Variants in INPP4B observed in about 807,000 individuals in gnomAD.
The protein encoded by INPP4B is inositol polyphosphate 4-phosphatase type II.
In INPP4B, 55 loss-of-function variants were observed where a neutral mutation model predicts 122.5. The ratio of observed to expected loss-of-function variants is 0.45; its 90% CI spans 0.36 to 0.56. The LOEUF (loss-of-function observed/expected upper bound fraction) is 0.56. Among genes scored for constraint, INPP4B ranks in the 20% least tolerant of loss-of-function variants. The pLI is 0.00. For missense variants in INPP4B, 1,000 were observed against 1,097.7 expected (o/e 0.91, Z 1.26); for synonymous variants, 403 against 388.7 (o/e 1.04, Z -0.43).
At chr4:142,645,704 A>G (rs1230126358) in intron 2 of INPP4B, among the ~76,000 whole-genome samples, 1 of 152,210 alleles carries the variant, frequency 6.6e-6, no homozygotes, top group Admixed American at 6.5e-5. Flanking sequence ...TGGAACGGTT[A>G]TATCAGCTGT....
rs372147886 is a variant in INPP4B at position 142,659,424 on chromosome 4, G to T, written c.-191+66415C>A. Among the ~76,000 whole-genome samples, 19 of 151,696 alleles carry T rather than the reference G, an allele frequency of 1.3e-4. No individual in the cohort carries two copies. In the East Asian group the frequency reaches 3.7e-3, roughly 29 times the overall value. On this transcript the variant is annotated intron_variant, in intron 2 of 25. Transcript: ENST00000262992. Reference sequence around the variant, plus strand: ...CTGTCTCAAAAGAAAAAAAAAAGAGGACTGGAGAGAGAGAAATTATGTTTC... The same window carrying T: ...CTGTCTCAAAAGAAAAAAAAAAGAGTACTGGAGAGAGAGAAATTATGTTTC...
chr4:142,164,016 A>G (rs752494167), intron 16 of INPP4B, among the ~76,000 whole-genome samples: 16 of 151,882 alleles, frequency 1.1e-4, no homozygotes, highest in Non-Finnish European at 1.8e-4. Flanking sequence ...CGTAAGGCAG[A>G]TCTATTTTAT....
At position 142,372,435 on chromosome 4, in the gene INPP4B, G is replaced by A. The variant is rs574938356; in HGVS notation, c.372+30503C>T. Among the ~76,000 whole-genome samples, 319 of 152,138 alleles carry A rather than the reference G, an allele frequency of 2.1e-3. 3 individuals are homozygous for A. The highest frequency in any genetic ancestry group is 7.5e-3 in the African/African-American group (310 of 41,532). On this transcript the variant is annotated intron_variant, in intron 7 of 25. Transcript: ENST00000262992. ...ACACAAAGAAATGATGAATGTTTGAGGTGATGAATATTGTAAATACCTTGA... is the reference window on the plus strand; with the variant it reads ...ACACAAAGAAATGATGAATGTTTGAAGTGATGAATATTGTAAATACCTTGA...
At chr4:142,075,619 A>G (rs1278324410) in intron 25 of INPP4B, among the ~76,000 whole-genome samples, 1 of 152,042 alleles carries the variant, frequency 6.6e-6, no homozygotes, top group African/African-American at 2.4e-5. Flanking sequence ...ATGCACTTTT[A>G]GAGAAAAATG....
At chr4:142,700,759 A>T (rs1397547887) in intron 2 of INPP4B, among the ~76,000 whole-genome samples, 2 of 152,078 alleles carry the variant, frequency 1.3e-5, no homozygotes, top group African/African-American at 4.8e-5. Context: ...CCTTTCTGTG[A>T]AATTATGTGT....
intron 1 of INPP4B, among the ~76,000 whole-genome samples, chr4:142,824,294 T>G (rs1371783189): frequency 7.2e-6 from 1 of 139,016 alleles, no homozygotes; most frequent in Admixed American, 6.9e-5. Flanking sequence ...TCTACCTATC[T>G]ATTATCTATC....
At chr4:142,490,153 T>C (rs957003097) in intron 2 of INPP4B, among the ~76,000 whole-genome samples, 1 of 151,878 alleles carries the variant, frequency 6.6e-6, no homozygotes, top group Non-Finnish European at 1.5e-5. Flanking sequence ...ACAGCAAACA[T>C]GGCTCACTGC....
At chr4:142,756,768 T>G (rs1400046742) in intron 1 of INPP4B, among the ~76,000 whole-genome samples, 1 of 152,094 alleles carries the variant, frequency 6.6e-6, no homozygotes, top group Non-Finnish European at 1.5e-5. Flanking sequence ...CCAGAACTAA[T>G]GAATTTTTAG....
chr4:142,458,048 T>C (rs1815864703), intron 3 of INPP4B, among the ~76,000 whole-genome samples: 1 of 152,044 alleles, frequency 6.6e-6, no homozygotes, highest in Non-Finnish European at 1.5e-5. Flanking sequence ...TAACTAAAAA[T>C]CCAAAACAAT....
At chr4:142,057,251 T>TA (rs35202316) in intron 25 of INPP4B, among the ~76,000 whole-genome samples, 123,408 of 151,828 alleles carry the variant, frequency 0.81, 52,339 homozygotes, top group Non-Finnish European at 0.92. Context: ...AATAGTATGT[T>TA]AAAAATCACT....
intron 16 of INPP4B, 81 bp from the exon 17 acceptor site, chr4:142,160,642 G>T: frequency 9.7e-7 from 1 of 1,028,418 alleles, no homozygotes; most frequent in Non-Finnish European, 1.4e-6. Flanking sequence ...TTGCAGATTT[G>T]TTGGTACTTA....
At chr4:142,559,456 A>G (rs962491457) in intron 2 of INPP4B, among the ~76,000 whole-genome samples, 3 of 152,210 alleles carry the variant, frequency 2.0e-5, no homozygotes, top group Non-Finnish European at 4.4e-5. Flanking sequence ...CATTTAAAAA[A>G]TGAGAGGCAA....
intron 2 of INPP4B, among the ~76,000 whole-genome samples, chr4:142,600,232 A>G (rs1739618497): frequency 6.6e-6 from 1 of 152,138 alleles, no homozygotes; most frequent in Non-Finnish European, 1.5e-5. Context: ...ACTGTCTAAA[A>G]TCAATGATAG....
intron 10 of INPP4B, among the ~76,000 whole-genome samples, chr4:142,269,787 A>G (rs1422540440): frequency 6.6e-6 from 1 of 152,230 alleles, no homozygotes; most frequent in African/African-American, 2.4e-5. Flanking sequence ...TCATTCCATA[A>G]CGTAAATATA....
At chr4:142,103,668 A>T (rs544315269) in intron 23 of INPP4B, among the ~76,000 whole-genome samples, 1 of 152,144 alleles carries the variant, frequency 6.6e-6, no homozygotes, top group Non-Finnish European at 1.5e-5. Context: ...CATTAAATTG[A>T]AAGATACTAC....
intron 7 of INPP4B, among the ~76,000 whole-genome samples, chr4:142,336,699 G>A (rs145835465): frequency 2.6e-5 from 4 of 152,222 alleles, no homozygotes; most frequent in Non-Finnish European, 5.9e-5. Context: ...ATTGTAGCAC[G>A]TTGGGCCCAG....
At chr4:142,265,495 G>A (rs1380476317) in intron 10 of INPP4B, among the ~76,000 whole-genome samples, 1 of 152,150 alleles carries the variant, frequency 6.6e-6, no homozygotes, top group East Asian at 1.9e-4. Context: ...CCATGCATTT[G>A]CAGTTCTAAA....
intron 2 of INPP4B, among the ~76,000 whole-genome samples, chr4:142,656,349 C>T (rs1055718257): frequency 3.9e-5 from 6 of 152,166 alleles, no homozygotes; most frequent in Non-Finnish European, 7.3e-5. Flanking sequence ...TCATTTTTGG[C>T]GCCCAACATG....
chr4:142,221,798 T>C (rs1397713408), intron 12 of INPP4B, among the ~76,000 whole-genome samples: 1 of 152,180 alleles, frequency 6.6e-6, no homozygotes, highest in Non-Finnish European at 1.5e-5. Context: ...ACTGAGAAAC[T>C]AAATGTTTAA....
Sources: allele counts gnomAD v4.1 joint callset (sites outside exome capture counted in the v4.1 genomes callset), GRCh38; gene constraint gnomAD v4.1.1; transcripts MANE v1.5; gene names NCBI Gene and HGNC (gene_info 2026-07-23, HGNC 2026-07-21).